The following LRRC20 variants were observed in gnomAD, a reference collection of about 807,000 sequenced individuals.
LRRC20 encodes the protein leucine-rich repeat-containing protein 20.
In LRRC20, 11 loss-of-function variants were observed where a neutral mutation model predicts 14.4. The observed-to-expected ratio is 0.77, with a 90% CI of 0.48 to 1.27. The LOEUF is 1.27. Among genes scored for constraint, LRRC20 ranks in the 50% most tolerant of loss-of-function variants. LRRC20 has a pLI of 0.00. For synonymous variants in LRRC20, 121 were observed against 107.3 expected (o/e 1.13, Z -0.79); for missense variants, 219 against 251.2 (o/e 0.87, Z 0.87).
At chr10:70,349,598 A>C (rs922122697) in intron 2 of LRRC20, among the ~76,000 whole-genome samples, 4 of 152,158 alleles carry the variant, frequency 2.6e-5, no homozygotes, top group African/African-American at 9.7e-5. Flanking sequence ...TAAATAAATA[A>C]AATAAACACA....
At chr10:70,314,374 C>A (rs1841782008) in intron 4 of LRRC20, among the ~76,000 whole-genome samples, 1 of 152,186 alleles carries the variant, frequency 6.6e-6, no homozygotes, top group Non-Finnish European at 1.5e-5. Flanking sequence ...GACAAACTAT[C>A]CTTGAAAAAT....
At position 70,301,363 on chromosome 10, in the gene LRRC20, G is replaced by GCCTAA; in HGVS notation, c.545_546insTTAGG (p.Leu183Ter). 6.2e-7 allele frequency: 1 copy of GCCTAA among 1,612,696 alleles called. No individual in the cohort carries two copies. Among genetic ancestry groups the GCCTAA allele is most frequent in the Non-Finnish European group, 8.5e-7 (1 of 1,179,746 alleles). On this transcript the variant is annotated stop_gained and frameshift_variant, in exon 5 of 5. Coordinates refer to ENST00000446961, the MANE Select transcript of LRRC20 (RefSeq NM_001278212.2). LOFTEE classifies it high-confidence loss of function. Reference sequence around the variant, plus strand: ...GCATGAGGAGGGTGGCCTAAGGTAGGGGGGCTCTTGCGCCTTCCGGAGACA... The same window carrying GCCTAA: ...GCATGAGGAGGGTGGCCTAAGGTAGGCCTAAGGGGCTCTTGCGCCTTCCGGAGACA...
intron 2 of LRRC20, among the ~76,000 whole-genome samples, chr10:70,367,999 T>TATGTTATGTTATG (rs1403701408): frequency 2.1e-3 from 312 of 145,894 alleles, no homozygotes; most frequent in South Asian, 3.1e-3. Context: ...TATGTTATTT[T>TATGTTATGTTATG]TTGAGATGGA....
At chr10:70,304,305 G>A (rs1467984232) in intron 4 of LRRC20, among the ~76,000 whole-genome samples, 2 of 151,958 alleles carry the variant, frequency 1.3e-5, no homozygotes, top group African/African-American at 4.8e-5. Flanking sequence ...GTGATGGCAA[G>A]AGCCAGCTCC....
intron 3 of LRRC20, among the ~76,000 whole-genome samples, chr10:70,326,850 G>A (rs1889397): frequency 0.85 from 129,079 of 152,076 alleles, 54,955 homozygotes; most frequent in East Asian, 0.96. Flanking sequence ...TAGTAGAGAC[G>A]GGGTTTCACC....
chr10:70,315,703 T>C (rs559731511), intron 4 of LRRC20, among the ~76,000 whole-genome samples: 1 of 152,262 alleles, frequency 6.6e-6, no homozygotes, highest in African/African-American at 2.4e-5. Context: ...CACAGCTGCT[T>C]CCTCTCCCTG....
intron 4 of LRRC20, among the ~76,000 whole-genome samples, chr10:70,305,337 C>T (rs979526874): frequency 6.6e-6 from 1 of 152,148 alleles, no homozygotes. Flanking sequence ...AATATCTCTT[C>T]GAGACCCTGC....
chr10:70,309,417 T>C (rs1472633530), intron 4 of LRRC20, among the ~76,000 whole-genome samples: 1 of 152,084 alleles, frequency 6.6e-6, no homozygotes, highest in Non-Finnish European at 1.5e-5. Flanking sequence ...GGCAGGACAG[T>C]TCCTGATCCC....
At chr10:70,332,968 T>C (rs967691494) in intron 3 of LRRC20, among the ~76,000 whole-genome samples, 2 of 152,130 alleles carry the variant, frequency 1.3e-5, no homozygotes, top group African/African-American at 4.8e-5. Flanking sequence ...TAGGATACGT[T>C]TTTCAAATGA....
At position 70,368,447 on chromosome 10, in the gene LRRC20, G is replaced by A. The variant is rs188093995; in HGVS notation, c.82+8005C>T. Among the ~76,000 whole-genome samples, 463 of 151,798 alleles carry A rather than the reference G, an allele frequency of 3.1e-3. 2 individuals are homozygous for A. Among genetic ancestry groups the A allele is most frequent in the African/African-American group, 9.6e-3 (396 of 41,396 alleles). On this transcript the variant is annotated intron_variant, in intron 2 of 4. Coordinates refer to ENST00000446961, the MANE Select transcript of LRRC20 (RefSeq NM_001278212.2). ...GCTGGGATTACAGGGGTGAGCCACC[G>A]CGCCCGGCCATTTTTGCATTTTTAG...
At chr10:70,372,860 T>C (rs1421899042) in intron 2 of LRRC20, among the ~76,000 whole-genome samples, 4 of 151,594 alleles carry the variant, frequency 2.6e-5, no homozygotes, top group Admixed American at 6.6e-5. Flanking sequence ...CCCAGCACTT[T>C]AGGAGGCTGA....
At position 70,335,978 on chromosome 10, in the gene LRRC20, G is replaced by A. The variant is rs149450102; in HGVS notation, c.232+4575C>T. Among the ~76,000 whole-genome samples, 1,071 of 152,154 alleles carry A rather than the reference G, an allele frequency of 7.0e-3. 10 individuals are homozygous for A. The highest frequency in any genetic ancestry group is 0.025 in the African/African-American group (1,019 of 41,486). ...ACCGTGGACAAACGTCTGCTGCACC[G>A]CCCCTCACATTATGACATGGTGTCT... On this transcript the variant is annotated intron_variant, in intron 3 of 4. Coordinates refer to ENST00000446961, the MANE Select transcript of LRRC20 (RefSeq NM_001278212.2).
intron 4 of LRRC20, among the ~76,000 whole-genome samples, chr10:70,302,056 G>A (rs1841212784): frequency 6.6e-6 from 1 of 152,190 alleles, no homozygotes; most frequent in African/African-American, 2.4e-5. Context: ...GCTCACGCCT[G>A]TAATCCCAGC....
chr10:70,350,867 C>T (rs979396069), intron 2 of LRRC20, among the ~76,000 whole-genome samples: 7 of 152,260 alleles, frequency 4.6e-5, no homozygotes, highest in African/African-American at 1.4e-4. Flanking sequence ...GTCCTTTGGC[C>T]GACGTTTGCC....
intron 2 of LRRC20, among the ~76,000 whole-genome samples, chr10:70,347,131 C>G (rs115907716): frequency 0.058 from 8,803 of 152,234 alleles, 862 homozygotes; most frequent in African/African-American, 0.2. Flanking sequence ...AGTGATCCAC[C>G]TGCCTCATGT....
At chr10:70,333,597 C>T (rs1265641514) in intron 3 of LRRC20, among the ~76,000 whole-genome samples, 1 of 151,912 alleles carries the variant, frequency 6.6e-6, no homozygotes, top group Non-Finnish European at 1.5e-5. Context: ...GACCCACTGC[C>T]CAGAAGCAGC....
rs546687223 is a variant in LRRC20, at chr10:70,368,403, T to C, written c.82+8049A>G. On this transcript the variant is annotated intron_variant, in intron 2 of 4. Coordinates refer to ENST00000446961, the MANE Select transcript of LRRC20 (RefSeq NM_001278212.2). ...TGATCTCCTGACCTCGTGATCCGCCTGCCTCGGCCTCCTAAAGTGCTGGGA... is the reference window on the plus strand; with the variant it reads ...TGATCTCCTGACCTCGTGATCCGCCCGCCTCGGCCTCCTAAAGTGCTGGGA... 3.9e-5 allele frequency among the ~76,000 whole-genome samples: 6 copies of C among 152,000 alleles called. No homozygotes were observed. In the East Asian group the frequency reaches 1.2e-3, roughly 30 times the overall value.
intron 4 of LRRC20, among the ~76,000 whole-genome samples, chr10:70,319,155 G>A (rs1841982388): frequency 6.9e-6 from 1 of 144,266 alleles, no homozygotes; most frequent in African/African-American, 2.6e-5. Flanking sequence ...GTGCTCTCTG[G>A]AGCAGTGGGT....
chr10:70,347,918 C>T (rs1843139355), intron 2 of LRRC20, among the ~76,000 whole-genome samples: 1 of 152,096 alleles, frequency 6.6e-6, no homozygotes, highest in Non-Finnish European at 1.5e-5. Context: ...CGCAAGGCCA[C>T]ATTAGAGGAT....
Sources: allele counts gnomAD v4.1 joint callset (sites outside exome capture counted in the v4.1 genomes callset), GRCh38; gene constraint gnomAD v4.1.1; transcripts MANE v1.5; gene names NCBI Gene and HGNC (gene_info 2026-07-23, HGNC 2026-07-21).